SEMA3D: variants seen among roughly 807,000 people sequenced by gnomAD.
SEMA3D encodes semaphorin-3D.
SEMA3D carries 84 observed loss-of-function variants against 100.1 expected under a neutral mutation model. The ratio of observed to expected loss-of-function variants is 0.84; its 90% confidence interval spans 0.70 to 1.01. SEMA3D has a LOEUF of 1.01. Ranked by LOEUF, SEMA3D falls within the 50% of genes least tolerant of loss-of-function variation. SEMA3D has a pLI of 0.00. For synonymous variants in SEMA3D, 312 were observed against 320.7 expected (o/e 0.97, Z 0.29); for missense variants, 875 against 934.1 (o/e 0.94, Z 0.82).
intron 1 of SEMA3D, among the ~76,000 whole-genome samples, chr7:85,176,201 A>G (rs1452367345): frequency 1.3e-5 from 2 of 152,168 alleles, no homozygotes; most frequent in East Asian, 3.9e-4. Flanking sequence ...GGATTGAGCT[A>G]AGTTGTCAAG....
At chr7:85,003,140 T>C (rs774323618) in intron 18 of SEMA3D, among the ~76,000 whole-genome samples, 9 of 152,164 alleles carry the variant, frequency 5.9e-5, no homozygotes, top group African/African-American at 9.6e-5. Flanking sequence ...AAAAGTTTTC[T>C]TATTTAATTT....
chr7:85,124,390 A>G (rs1203810287), intron 2 of SEMA3D, among the ~76,000 whole-genome samples: 1 of 151,948 alleles, frequency 6.6e-6, no homozygotes, highest in Non-Finnish European at 1.5e-5. Flanking sequence ...ATGGTATTTG[A>G]ATATATCTAA....
chr7:85,186,597 A>G (rs1047650460), intron 1 of SEMA3D, 81 bp downstream of exon 1: 1 of 152,550 alleles, frequency 6.6e-6, no homozygotes, highest in Non-Finnish European at 1.5e-5. Context: ...GCCACCCCCA[A>G]ATCCCGGCTA....
At chr7:85,046,667 C>T (rs1371303404) in intron 9 of SEMA3D, among the ~76,000 whole-genome samples, 3 of 151,914 alleles carry the variant, frequency 2.0e-5, no homozygotes, top group Non-Finnish European at 2.9e-5. Flanking sequence ...GTTCAATTCA[C>T]AAGGAGTTGT....
chr7:85,142,477 C>G, intron 2 of SEMA3D: 1 of 980,380 alleles, frequency 1.0e-6, no homozygotes, highest in Non-Finnish European at 1.2e-6. Context: ...GGAAATAAGG[C>G]ATCTAGCTCA....
At position 85,115,903 on chromosome 7, in the gene SEMA3D, T is replaced by A. The variant is rs187257753; in HGVS notation, c.151+5838A>T. Among the ~76,000 whole-genome samples, 3 of 152,212 alleles carry A rather than the reference T, an allele frequency of 2.0e-5. No homozygotes were observed. In the East Asian group the frequency reaches 5.8e-4, roughly 29 times the overall value. ...TAGTATAAGAAACTACCAAAAAAAT[T>A]TTCCAACTTAACTCTTGCATTAGCA... On this transcript the variant is annotated intron_variant, in intron 3 of 18. Coordinates refer to ENST00000284136, the MANE Select transcript of SEMA3D (RefSeq NM_001384900.1).
chr7:85,000,391 T>C (rs944346500), intron 18 of SEMA3D, among the ~76,000 whole-genome samples: 1 of 152,168 alleles, frequency 6.6e-6, no homozygotes, highest in African/African-American at 2.4e-5. Flanking sequence ...TTTCCAGATA[T>C]CACCAAATAC....
At chr7:85,236,975 T>A in the SEMA3D span, among the ~76,000 whole-genome samples, 2 of 152,182 alleles carry the variant, frequency 1.3e-5, no homozygotes, top group Admixed American at 1.3e-4. Context: ...TTTGTTGTAT[T>A]TTTTTACCCA....
intron 1 of SEMA3D, among the ~76,000 whole-genome samples, chr7:85,180,266 C>T (rs960408580): frequency 2.6e-5 from 4 of 152,118 alleles, no homozygotes; most frequent in Non-Finnish European, 5.9e-5. Flanking sequence ...TGTTTTTTCC[C>T]TCTTTCCCCT....
At chr7:85,217,452 T>C in the SEMA3D span, among the ~76,000 whole-genome samples, 1 of 151,800 alleles carries the variant, frequency 6.6e-6, no homozygotes. Flanking sequence ...GATGGGAGAG[T>C]ATAAACAAAT....
In SEMA3D at chr7:85,173,166, T is replaced by C. The variant is rs187310571; in HGVS notation, c.-173+13512A>G. On this transcript the variant is annotated intron_variant, in intron 1 of 18. Transcript: ENST00000284136. ...AGACAGAGAGAGAAAAGGGAGAGAA[T>C]TGAACAAATATACATTGAACATTTG... 8.3e-4 allele frequency among the ~76,000 whole-genome samples: 126 copies of C among 151,714 alleles called. 2 individuals carry two copies. The highest frequency in any genetic ancestry group is 2.9e-3 in the African/African-American group (120 of 41,336).
chr7:85,119,090 G>A (rs1789332533), intron 3 of SEMA3D, among the ~76,000 whole-genome samples: 2 of 152,032 alleles, frequency 1.3e-5, no homozygotes, highest in South Asian at 4.1e-4. Flanking sequence ...AGTCAGAATG[G>A]CTATTATATA....
At chr7:85,028,989 T>A (rs1790469595) in intron 12 of SEMA3D, 2 of 376,398 alleles carry the variant, frequency 5.3e-6, no homozygotes, top group South Asian at 5.2e-5. Context: ...CTCAAAATGT[T>A]CAAGATTTTC....
chr7:85,136,698 T>C (rs1789876579), intron 2 of SEMA3D, among the ~76,000 whole-genome samples: 1 of 152,156 alleles, frequency 6.6e-6, no homozygotes. Flanking sequence ...GTGTATCAAC[T>C]GGGAAAATAC....
rs975067197 is a variant in SEMA3D, at chr7:85,142,267, A to G, written c.-41+11341T>C. ...AATATAATAAATTTTTGAACCAACA[A>G]TATCTAGTAAAACACTGAGAAAGTA... On this transcript the variant is annotated intron_variant, in intron 2 of 18. Transcript: ENST00000284136. 24 of 981,320 alleles carry G rather than the reference A, an allele frequency of 2.4e-5. No homozygotes were observed. The Admixed American group carries it at 1.5e-3, about 61-fold the overall frequency. 60.8% of individuals were successfully genotyped at this position (981,320 alleles called of 1,614,324 possible).
intron 7 of SEMA3D, among the ~76,000 whole-genome samples, chr7:85,066,913 C>CACACACACACACACAGAG: frequency 2.7e-4 from 35 of 127,822 alleles, no homozygotes; most frequent in African/African-American, 1.1e-3. Context: ...CACACACACA[C>CACACACACACACACAGAG]AGAGAGAGAG....
the SEMA3D span, among the ~76,000 whole-genome samples, chr7:85,248,640 G>A: frequency 6.6e-6 from 1 of 152,222 alleles, no homozygotes; most frequent in South Asian, 2.1e-4. Flanking sequence ...ATATTATTCA[G>A]CACTGAAAAG....
At chr7:85,198,965 T>C in the SEMA3D span, among the ~76,000 whole-genome samples, 2 of 152,074 alleles carry the variant, frequency 1.3e-5, no homozygotes, top group African/African-American at 2.4e-5. Flanking sequence ...TACTACTTTA[T>C]ACCAATAGTG....
chr7:85,179,179 G>A (rs1191261047), intron 1 of SEMA3D, among the ~76,000 whole-genome samples: 2 of 152,186 alleles, frequency 1.3e-5, no homozygotes, highest in Non-Finnish European at 2.9e-5. Flanking sequence ...CAAAGTAATG[G>A]AGTAGTGGCC....
Sources: allele counts gnomAD v4.1 joint callset (sites outside exome capture counted in the v4.1 genomes callset), GRCh38; gene constraint gnomAD v4.1.1; transcripts MANE v1.5; gene names NCBI Gene and HGNC (gene_info 2026-07-23, HGNC 2026-07-21).